CREBBP: variants seen among roughly 807,000 people sequenced by gnomAD.
The protein encoded by CREBBP is CREB-binding protein.
CREBBP carries 19 observed loss-of-function variants against 265.0 expected under a neutral mutation model. That is an observed-to-expected ratio of 0.07 (90% confidence interval 0.05 to 0.11). CREBBP has a LOEUF of 0.11. CREBBP is among the 10% of genes least tolerant of loss of function. The pLI, the probability that CREBBP is intolerant of heterozygous loss-of-function variation, is 1.00. For synonymous variants in CREBBP, 1,457 were observed against 1,223.7 expected (o/e 1.19, Z -3.98); for missense variants, 2,525 against 3,219.0 (o/e 0.78, Z 5.22).
intron 23 of CREBBP, chr16:3,741,997 G>T (rs1167733519): frequency 6.6e-6 from 1 of 152,068 alleles, no homozygotes; most frequent in Admixed American, 6.6e-5. Flanking sequence ...GGCGAATGGC[G>T]TGAACCCGGG....
intron 28 of CREBBP, among the ~76,000 whole-genome samples, chr16:3,735,654 G>T (rs2052036487): frequency 6.6e-6 from 1 of 152,140 alleles, no homozygotes; most frequent in African/African-American, 2.4e-5. Context: ...CAGCGCCAAG[G>T]AGAGAGGGCA....
In CREBBP at chr16:3,767,804, T is replaced by C. The variant is rs2141182404; in HGVS notation, c.3166A>G (p.Lys1056Glu). The C allele has an allele frequency of 6.2e-7, 1 of 1,614,220 alleles. No individual in the cohort carries two copies. Among genetic ancestry groups the C allele is most frequent in the Non-Finnish European group, 8.5e-7 (1 of 1,180,012 alleles). The change falls in exon 16 of 31, where the codon AAA becomes GAA. Residue 1056 changes from lysine to glutamate, a missense_variant. Around this residue, in one of 19 missense-constraint regions of CREBBP, gnomAD observed 548 missense variants for 533.0 expected, o/e 1.03. Transcript: ENST00000262367. The stretch of plus-strand genomic sequence containing the variant: ...TCTTCTTCCTCTTTAACTTCTACTT[T>C]CACTTCAGGTTTCTTTTCATCCACT... The part of the protein sequence containing the change: ...MEVDEKKPEV[K>E]VEVKEEEESS...
chr16:3,871,199 TCACACA>T (rs1037838119), intron 1 of CREBBP, among the ~76,000 whole-genome samples: 2 of 49,738 alleles, frequency 4.0e-5, no homozygotes, highest in African/African-American at 6.0e-5. Flanking sequence ...TCTCTCTCAC[TCACACA>T]CACACACACA....
chr16:3,816,432 A>G (rs962915955), intron 2 of CREBBP, among the ~76,000 whole-genome samples: 18 of 152,340 alleles, frequency 1.2e-4, no homozygotes, highest in East Asian at 1.9e-4. Flanking sequence ...TAGCCTTAAC[A>G]TGACTGCAGT....
intron 2 of CREBBP, among the ~76,000 whole-genome samples, chr16:3,829,573 T>C (rs943328972): frequency 6.6e-6 from 1 of 152,112 alleles, no homozygotes; most frequent in Non-Finnish European, 1.5e-5. Context: ...TTGCTGAACA[T>C]CCCAGGAATT....
chr16:3,809,280 C>T (rs1417045016), intron 3 of CREBBP, among the ~76,000 whole-genome samples: 6 of 151,982 alleles, frequency 3.9e-5, no homozygotes, highest in African/African-American at 1.5e-4. Flanking sequence ...CAGGTTCAAG[C>T]GATTCTCTTG....
chr16:3,879,460 C>T (rs1459062337), intron 1 of CREBBP, among the ~76,000 whole-genome samples: 1 of 152,230 alleles, frequency 6.6e-6, no homozygotes, highest in African/African-American at 2.4e-5. Flanking sequence ...ATCAAAGGTA[C>T]CCTCCGCTGT....
chr16:3,861,741 T>C (rs1416416504), intron 1 of CREBBP, among the ~76,000 whole-genome samples: 1 of 150,526 alleles, frequency 6.6e-6, no homozygotes, highest in Non-Finnish European at 1.5e-5. Flanking sequence ...TTAAACAAGT[T>C]CCCAAAAGAC....
chr16:3,864,809 G>A (rs139673053), intron 1 of CREBBP, among the ~76,000 whole-genome samples: 1,922 of 152,354 alleles, frequency 0.013, 49 homozygotes, highest in African/African-American at 0.045. Context: ...GTTCACACCT[G>A]TAATCCCAGC....
chr16:3,748,659 A>C (rs1422164021), intron 21 of CREBBP, among the ~76,000 whole-genome samples: 1 of 152,190 alleles, frequency 6.6e-6, no homozygotes, highest in Non-Finnish European at 1.5e-5. Flanking sequence ...CAAGTAGCCA[A>C]CGCTCCTGGA....
At chr16:3,740,287 C>T in intron 24 of CREBBP, 112 bp downstream of exon 24, 1 of 1,361,864 alleles carries the variant, frequency 7.3e-7, no homozygotes, top group South Asian at 1.2e-5. Flanking sequence ...GCATTCGCTG[C>T]TGCAAAGTCT....
chr16:3,846,528 A>T (rs2054671088), intron 2 of CREBBP, among the ~76,000 whole-genome samples: 1 of 152,260 alleles, frequency 6.6e-6, no homozygotes, highest in African/African-American at 2.4e-5. Flanking sequence ...AAAACTGTGA[A>T]AACAGCAAAA....
rs1436564689 is a variant in CREBBP at position 3,769,244 on chromosome 16, A to G, written c.2990T>C (p.Met997Thr). The change falls in exon 15 of 31, where the codon ATG (methionine) becomes ACG (threonine). Residue 997 changes from methionine to threonine, a missense_variant. Met to Thr is a moderately conservative substitution (Grantham distance 81, BLOSUM62 -1). This residue lies in a region of CREBBP where 548 missense variants were observed against 533.0 expected (regional missense o/e 1.03). Transcript: ENST00000262367. ...QPGPDVPVLE[M>T]KTETQAEDTE... ...GTCCTCTGCTTGGGTCTCCGTCTTC[A>G]TTTCCAGCACAGGTACGTCAGGTCC... The G allele has an allele frequency of 6.2e-7, 1 of 1,613,964 alleles. No individual in the cohort carries two copies. Among genetic ancestry groups the G allele is most frequent in the Non-Finnish European group, 8.5e-7 (1 of 1,180,018 alleles).
At chr16:3,811,431 T>C (rs1237595421) in intron 2 of CREBBP, among the ~76,000 whole-genome samples, 1 of 152,222 alleles carries the variant, frequency 6.6e-6, no homozygotes, top group Admixed American at 6.5e-5. Context: ...GATGAAGACC[T>C]TGATGATGAC....
Position 3,856,869 on chromosome 16 carries a change from T to C in CREBBP, c.86-5860A>G, listed in dbSNP as rs371258856. 5.9e-5 allele frequency among the ~76,000 whole-genome samples: 9 copies of C among 152,256 alleles called. No homozygotes were observed. In the East Asian group the frequency reaches 1.3e-3, roughly 23 times the overall value. On this transcript the variant is annotated intron_variant, in intron 1 of 30. Transcript: ENST00000262367. ...CTATTTTGAACATCCCTAAGCACTC[T>C]TCCTAGGAGAGGGAGGCCAGGCCAC...
chr16:3,848,223 C>G (rs1177894825), intron 2 of CREBBP, among the ~76,000 whole-genome samples: 1 of 150,976 alleles, frequency 6.6e-6, no homozygotes, highest in Non-Finnish European at 1.5e-5. Flanking sequence ...CGTGACTATT[C>G]TGTGGATACT....
intron 3 of CREBBP, among the ~76,000 whole-genome samples, chr16:3,802,196 A>G (rs973659019): frequency 1.7e-5 from 2 of 120,522 alleles, no homozygotes; most frequent in Non-Finnish European, 3.1e-5. Flanking sequence ...CAATAGCATG[A>G]TCTCGGCTCA....
chr16:3,794,405 A>G (rs2053568096), intron 3 of CREBBP, among the ~76,000 whole-genome samples: 1 of 149,548 alleles, frequency 6.7e-6, no homozygotes, highest in African/African-American at 2.5e-5. Context: ...TACTACAAAC[A>G]TTTGATGTAG....
chr16:3,771,218 G>C (rs972220494), intron 13 of CREBBP, among the ~76,000 whole-genome samples: 1 of 151,952 alleles, frequency 6.6e-6, no homozygotes, highest in African/African-American at 2.4e-5. Flanking sequence ...ACAGGTGCCC[G>C]TCACCACGCC....
Sources: gnomAD v4.1 joint callset for allele counts (sites outside exome capture counted in the v4.1 genomes callset) on GRCh38, gnomAD v4.1.1 for gene constraint, gnomAD v4.1.1 regional missense constraint, MANE v1.5 for transcripts, NCBI Gene and HGNC (gene_info 2026-07-23, HGNC 2026-07-21) for gene names.